AKT3: variants seen among roughly 807,000 people sequenced by gnomAD.
AKT3 encodes RAC-gamma serine/threonine-protein kinase.
In AKT3, 15 loss-of-function variants were observed where a neutral mutation model predicts 65.3. The ratio of observed to expected loss-of-function variants is 0.23; its 90% CI spans 0.15 to 0.35. The LOEUF (loss-of-function observed/expected upper bound fraction) is 0.35, where lower values mean the gene tolerates loss of function less well. AKT3 is among the 10% of genes least tolerant of loss of function. The pLI is 1.00. For synonymous variants in AKT3, 206 were observed against 183.8 expected, an observed-to-expected ratio of 1.12 and a Z score of -0.98; for missense variants, 243 against 576.5, an observed-to-expected ratio of 0.42 and a Z score of 5.92.
intron 1 of AKT3, among the ~76,000 whole-genome samples, chr1:243,847,086 G>A (rs1399984868): frequency 6.6e-6 from 1 of 152,116 alleles, no homozygotes; most frequent in Non-Finnish European, 1.5e-5. Flanking sequence ...TATGCTGTGT[G>A]ACCAGGATTT....
At chr1:243,523,296 C>CACCT (rs1186521887) in intron 12 of AKT3, among the ~76,000 whole-genome samples, 3 of 151,414 alleles carry the variant, frequency 2.0e-5, no homozygotes, top group African/African-American at 7.3e-5. Context: ...CACACACACA[C>CACCT]ACACACACAC....
At chr1:243,719,276 C>T (rs763178501) in intron 2 of AKT3, among the ~76,000 whole-genome samples, 7 of 152,194 alleles carry the variant, frequency 4.6e-5, no homozygotes, top group Non-Finnish European at 1.0e-4. Context: ...CTACAACTCC[C>T]AAAATTACTC....
At chr1:243,641,319 CATAT>C (rs571477102) in intron 5 of AKT3, among the ~76,000 whole-genome samples, 1 of 146,058 alleles carries the variant, frequency 6.8e-6, no homozygotes. Context: ...TATATACACA[CATAT>C]ATATATATAT....
chr1:243,842,881 T>A (rs1695330304), intron 2 of AKT3, among the ~76,000 whole-genome samples: 1 of 152,182 alleles, frequency 6.6e-6, no homozygotes, highest in Non-Finnish European at 1.5e-5. Context: ...TGTAACACGC[T>A]ACACACAACA....
At chr1:243,506,960 C>A (rs937845120) in intron 13 of AKT3, among the ~76,000 whole-genome samples, 1 of 152,200 alleles carries the variant, frequency 6.6e-6, no homozygotes, top group African/African-American at 2.4e-5. Flanking sequence ...CGTGGTTGAG[C>A]CCCAGAGTAT....
At chr1:243,804,782 G>C (rs1053937807) in intron 2 of AKT3, among the ~76,000 whole-genome samples, 2 of 151,748 alleles carry the variant, frequency 1.3e-5, no homozygotes, top group Non-Finnish European at 2.9e-5. Flanking sequence ...GGGAGGTGGA[G>C]CTTGTAGTGA....
At chr1:243,777,475 C>T (rs946457840) in intron 2 of AKT3, among the ~76,000 whole-genome samples, 1 of 152,132 alleles carries the variant, frequency 6.6e-6, no homozygotes. Flanking sequence ...GAAATAAATA[C>T]AATGCAGTCA....
chr1:243,532,312 T>C (rs562048595), intron 12 of AKT3, among the ~76,000 whole-genome samples: 1 of 152,220 alleles, frequency 6.6e-6, no homozygotes, highest in Non-Finnish European at 1.5e-5. Context: ...ATGACCTTTA[T>C]AATGTTGTGG....
At chr1:243,774,052 A>G (rs1485202089) in intron 2 of AKT3, among the ~76,000 whole-genome samples, 6 of 152,212 alleles carry the variant, frequency 3.9e-5, no homozygotes, top group African/African-American at 1.4e-4. Context: ...AGTGTGAAAG[A>G]GCAAGAAAAA....
At chr1:243,806,653 G>T (rs959185777) in intron 2 of AKT3, among the ~76,000 whole-genome samples, 6 of 151,998 alleles carry the variant, frequency 3.9e-5, no homozygotes, top group African/African-American at 1.5e-4. Context: ...CCTTAGTAGG[G>T]TCTCAATAAA....
chr1:243,657,859 T>C (rs966659146), intron 4 of AKT3, among the ~76,000 whole-genome samples: 1 of 152,118 alleles, frequency 6.6e-6, no homozygotes, highest in Non-Finnish European at 1.5e-5. Flanking sequence ...CAAATGATCT[T>C]TGACAAGGGC....
intron 13 of AKT3, among the ~76,000 whole-genome samples, chr1:243,489,403 C>A (rs576566744): frequency 1.3e-5 from 2 of 152,274 alleles, no homozygotes; most frequent in Admixed American, 6.5e-5. Context: ...TGCCAAGTTG[C>A]GCCGTGCAGG....
intron 1 of AKT3, among the ~76,000 whole-genome samples, chr1:243,846,217 C>T (rs1384752330): frequency 6.6e-6 from 1 of 152,148 alleles, no homozygotes; most frequent in Non-Finnish European, 1.5e-5. Flanking sequence ...CCTCCTTCCC[C>T]TCCCATCCCC....
chr1:243,567,394 A>C (rs1674234659), intron 9 of AKT3, among the ~76,000 whole-genome samples: 1 of 151,530 alleles, frequency 6.6e-6, no homozygotes, highest in Non-Finnish European at 1.5e-5. Flanking sequence ...TGCAGCCTCA[A>C]CCTCCCAGGC....
intron 6 of AKT3, among the ~76,000 whole-genome samples, chr1:243,634,685 T>G (rs1034363590): frequency 6.6e-6 from 1 of 151,798 alleles, no homozygotes; most frequent in Non-Finnish European, 1.5e-5. Context: ...AAATAGACTT[T>G]AAATGAAAAG....
At chr1:243,813,733 T>C (rs1383143785) in intron 2 of AKT3, among the ~76,000 whole-genome samples, 1 of 152,204 alleles carries the variant, frequency 6.6e-6, no homozygotes, top group African/African-American at 2.4e-5. Context: ...TAGCCTAACC[T>C]TGGAAATTCA....
chr1:243,827,164 TG>T (rs1694222387), intron 2 of AKT3, among the ~76,000 whole-genome samples: 1 of 152,172 alleles, frequency 6.6e-6, no homozygotes, highest in South Asian at 2.1e-4. Context: ...ACTGGAATCC[TG>T]TAGGATGTTT....
chr1:243,850,010 G>A (rs1695698330), intron 1 of AKT3, 30 bp downstream of exon 1: 2 of 984,296 alleles, frequency 2.0e-6, no homozygotes, highest in Non-Finnish European at 2.4e-6. Context: ...AGGCGGGGAG[G>A]GGGCTAGAGT....
At chr1:243,512,484 T>C in intron 12 of AKT3, 58 bp from the exon 13 acceptor site, 1 of 1,123,860 alleles carries the variant, frequency 8.9e-7, no homozygotes, top group Non-Finnish European at 1.3e-6. Context: ...AAAATTCCTT[T>C]CTAGGAAAAA....
Sources: allele counts gnomAD v4.1 joint callset (sites outside exome capture counted in the v4.1 genomes callset), GRCh38; gene constraint gnomAD v4.1.1; transcripts MANE v1.5; gene names NCBI Gene and HGNC (gene_info 2026-07-23, HGNC 2026-07-21).